The following FBXO21 variants were observed in gnomAD, a reference collection of about 807,000 sequenced individuals.
FBXO21 encodes F-box only protein 21.
A neutral mutation model predicts 76.6 loss-of-function variants in FBXO21; 32 were observed. The observed-to-expected ratio is 0.42, with a 90% CI of 0.32 to 0.56. The LOEUF is 0.56. Ranked by LOEUF, FBXO21 falls within the 20% of genes least tolerant of loss-of-function variation. FBXO21 has a pLI of 0.16. For missense variants in FBXO21, 586 were observed against 797.3 expected (o/e 0.73, Z 3.19); for synonymous variants, 328 against 311.5 (o/e 1.05, Z -0.56).
In FBXO21 at chr12:117,144,341, T is replaced by C. The variant is rs1403154299; in HGVS notation, c.*1746A>G. On this transcript the variant is annotated 3_prime_UTR_variant, in exon 12 of 12. Transcript: ENST00000622495. ...GCCAGGTGCTGTGAGTGGTTACGTT[T>C]CCAGATGCAGGTTCAAATCCTTTGA... is the stretch of plus-strand genomic sequence containing the variant. 1 of 152,224 alleles carries C rather than the reference T, an allele frequency of 6.6e-6. No homozygotes were observed. The highest frequency in any genetic ancestry group is 6.5e-5 in the Admixed American group (1 of 15,276). 9.4% of individuals were successfully genotyped at this position (152,224 alleles called of 1,614,324 possible). A position where few individuals can be genotyped will look rare whatever the true frequency, so the allele number is the denominator to read the frequency against.
At chr12:117,181,182 CAGG>C (rs1453063418) in intron 3 of FBXO21, among the ~76,000 whole-genome samples, 2 of 152,028 alleles carry the variant, frequency 1.3e-5, no homozygotes, top group East Asian at 3.9e-4. Context: ...ATTCATTTTC[CAGG>C]AGATCTCTCA....
chr12:117,156,299 A>G (rs185961318), intron 10 of FBXO21, among the ~76,000 whole-genome samples: 43 of 152,316 alleles, frequency 2.8e-4, no homozygotes, highest in Admixed American at 2.2e-3. Flanking sequence ...TTCATGACTC[A>G]AGATAGGGAA....
At chr12:117,155,724 G>C in intron 11 of FBXO21, 67 bp downstream of exon 11, 1 of 1,521,546 alleles carries the variant, frequency 6.6e-7, no homozygotes, top group South Asian at 1.2e-5. Flanking sequence ...GTACCTACCC[G>C]AGGGCTCAAA....
At chr12:117,158,874 C>T (rs1156854409) in intron 9 of FBXO21, among the ~76,000 whole-genome samples, 1 of 152,236 alleles carries the variant, frequency 6.6e-6, no homozygotes, top group Non-Finnish European at 1.5e-5. Flanking sequence ...TAAAAAGACA[C>T]AGACATACAA....
intron 11 of FBXO21, among the ~76,000 whole-genome samples, chr12:117,150,737 G>A (rs1955827469): frequency 6.6e-6 from 1 of 152,222 alleles, no homozygotes; most frequent in Non-Finnish European, 1.5e-5. Flanking sequence ...GTGTGCTTGA[G>A]ATTTTTACAA....
intron 7 of FBXO21, among the ~76,000 whole-genome samples, 176 bp from the exon 8 acceptor site, chr12:117,167,253 A>G (rs1956063718): frequency 6.6e-6 from 1 of 152,214 alleles, no homozygotes; most frequent in Admixed American, 6.5e-5. Context: ...CTAAGACCAC[A>G]GCACACTGAC....
intron 7 of FBXO21, among the ~76,000 whole-genome samples, chr12:117,169,796 C>T (rs754306659): frequency 6.6e-6 from 1 of 152,086 alleles, no homozygotes; most frequent in Non-Finnish European, 1.5e-5. Flanking sequence ...CGTGCGTCAC[C>T]GTGCCTGGCT....
At chr12:117,173,087 T>G (rs1014084659) in intron 6 of FBXO21, among the ~76,000 whole-genome samples, 3 of 151,032 alleles carry the variant, frequency 2.0e-5, no homozygotes, top group Non-Finnish European at 4.4e-5. Context: ...CAGACTGGAG[T>G]GCGATGGCGC....
At position 117,177,599 on chromosome 12, in the gene FBXO21, G is replaced by T; in HGVS notation, c.513C>A (p.Tyr171Ter). Reference protein sequence around the residue: ...TWKYYAKKILYYLRQQKILNN... With the variant: ...TWKYYAKKIL ...TTAAGATCTTCTGTTGCCGCAGGTAGTAAAGAATTTTTTTTGCGTAGTATT... is the reference window on the plus strand; with the variant it reads ...TTAAGATCTTCTGTTGCCGCAGGTATTAAAGAATTTTTTTTGCGTAGTATT... Residue 171 changes from tyrosine (Y) to a stop codon, truncating the protein, a stop_gained, in exon 4 of 12, where the codon TAC becomes TAA. Transcript: ENST00000622495. LOFTEE classifies it high-confidence loss of function. 6.2e-7 allele frequency: 1 copy of T among 1,613,806 alleles called. No individual in the cohort carries two copies. The highest frequency in any genetic ancestry group is 8.5e-7 in the Non-Finnish European group (1 of 1,179,778).
At chr12:117,182,233 C>G (rs1028169743) in intron 3 of FBXO21, among the ~76,000 whole-genome samples, 1 of 152,208 alleles carries the variant, frequency 6.6e-6, no homozygotes, top group Non-Finnish European at 1.5e-5. Flanking sequence ...TTGGCTCACA[C>G]TTATAGTCCT....
At chr12:117,174,129 C>T (rs57632063) in intron 6 of FBXO21, 76 bp downstream of exon 6, 271,060 of 1,202,674 alleles carry the variant, frequency 0.23, 33,500 homozygotes, top group East Asian at 0.43. Flanking sequence ...AGAGCGAGAC[C>T]CTGTCTCTAA....
At chr12:117,170,974 C>G (rs1470902363) in intron 7 of FBXO21, among the ~76,000 whole-genome samples, 1 of 152,072 alleles carries the variant, frequency 6.6e-6, no homozygotes, top group Non-Finnish European at 1.5e-5. Context: ...TTAAACCATG[C>G]AGTACATCCT....
At position 117,165,487 on chromosome 12, in the gene FBXO21, T is replaced by A; in HGVS notation, c.1324A>T (p.Lys442Ter). Residue 442 changes from lysine (K) to a stop codon, truncating the protein, a stop_gained and splice_region_variant, in exon 9 of 12, where the codon AAG becomes TAG. Coordinates refer to ENST00000622495, the MANE Select transcript of FBXO21 (RefSeq NM_015002.3). LOFTEE classifies it high-confidence loss of function. ...AAGCATCAAAGTAAAATAATTACCTTCTCTGGCCAGATTCCCAGGTGGAAG... is the reference window on the plus strand; with the variant it reads ...AAGCATCAAAGTAAAATAATTACCTACTCTGGCCAGATTCCCAGGTGGAAG... ...LYFHLGIWPEKVLDILQHIQT... is the reference protein window; with the variant it reads ...LYFHLGIWPE 6.2e-7 allele frequency: 1 copy of A among 1,613,600 alleles called. No individual in the cohort carries two copies. Among genetic ancestry groups the A allele is most frequent in the Non-Finnish European group, 8.5e-7 (1 of 1,179,842 alleles).
chr12:117,157,639 A>G (rs1592873711), intron 10 of FBXO21, among the ~76,000 whole-genome samples: 2 of 103,632 alleles, frequency 1.9e-5, no homozygotes, highest in South Asian at 2.3e-4. Flanking sequence ...TAAAAACACT[A>G]GAAGATCTCT....
intron 7 of FBXO21, among the ~76,000 whole-genome samples, chr12:117,169,536 A>G (rs1956095816): frequency 6.6e-6 from 1 of 152,206 alleles, no homozygotes; most frequent in South Asian, 2.1e-4. Flanking sequence ...AAACCTTATC[A>G]TATGAGTAGA....
chr12:117,158,140 C>A, intron 9 of FBXO21, 77 bp from the exon 10 acceptor site: 1 of 1,534,358 alleles, frequency 6.5e-7, no homozygotes, highest in Non-Finnish European at 9.0e-7. Flanking sequence ...GGGATTTAGA[C>A]CTACCTACGT....
intron 9 of FBXO21, 39 bp from the exon 10 acceptor site, chr12:117,158,102 CAGCT>C: frequency 6.2e-7 from 1 of 1,611,604 alleles, no homozygotes; most frequent in Non-Finnish European, 8.5e-7. Context: ...ATAATATTTT[CAGCT>C]AGGCCTTTTC....
rs1955744836 is a variant in FBXO21 at position 117,144,329 on chromosome 12, A to G, written c.*1758T>C. On this transcript the variant is annotated 3_prime_UTR_variant, in exon 12 of 12. Transcript: ENST00000622495. ...CAACCTTGGCGGGCCAGGTGCTGTG[A>G]GTGGTTACGTTTCCAGATGCAGGTT... 6.6e-6 allele frequency: 1 copy of G among 152,192 alleles called. No individual in the cohort carries two copies. Among genetic ancestry groups the G allele is most frequent in the Non-Finnish European group, 1.5e-5 (1 of 68,040 alleles). The allele number at this position is 152,192 out of a possible 1,614,324, so 9.4% of individuals were successfully genotyped here.
chr12:117,152,146 T>C (rs549962995), intron 11 of FBXO21, among the ~76,000 whole-genome samples: 37 of 152,232 alleles, frequency 2.4e-4, no homozygotes, highest in Non-Finnish European at 4.1e-4. Context: ...AAGGAACCAA[T>C]GAGGCAAATC....
Sources: allele counts gnomAD v4.1 joint callset (sites outside exome capture counted in the v4.1 genomes callset), GRCh38; gene constraint gnomAD v4.1.1; transcripts MANE v1.5; gene names NCBI Gene and HGNC (gene_info 2026-07-23, HGNC 2026-07-21).